Variants in CCDC141 observed in about 807,000 individuals in gnomAD.
The protein encoded by CCDC141 is coiled-coil domain-containing protein 141.
A neutral mutation model predicts 181.0 loss-of-function variants in CCDC141; 168 were observed. That is an observed-to-expected ratio of 0.93 (90% CI 0.82 to 1.05). The LOEUF is 1.05. Ranked by LOEUF, CCDC141 falls within the 50% of genes least tolerant of loss-of-function variation. The probability of loss-of-function intolerance (pLI) is 0.00; values close to 1 mark genes in which losing one functional copy is unlikely to be tolerated. For synonymous variants in CCDC141, 666 were observed against 642.3 expected (o/e 1.04, Z -0.56); for missense variants, 1,902 against 1,788.5 (o/e 1.06, Z -1.14).
rs76127313 is a variant in CCDC141 at position 178,835,119 on chromosome 2, T to C, written c.4326-679A>G. Among the ~76,000 whole-genome samples, 1,095 of 152,258 alleles carry C rather than the reference T, an allele frequency of 7.2e-3. 19 individuals are homozygous for C. Among genetic ancestry groups the C allele is most frequent in the South Asian group, 0.024 (117 of 4,824 alleles). ...ACCCTCATGTTGTCCAGCTTTATTC[T>C]TTTTGCCACTCTGGAACAGCAGCTG... On this transcript the variant is annotated intron_variant, in intron 23 of 23. Transcript: ENST00000443758.
At chr2:178,817,413 C>A in the CCDC141 span, 6 of 447,960 alleles carry the variant, frequency 1.3e-5, no homozygotes, top group Non-Finnish European at 2.7e-5. Flanking sequence ...GACAGAAGTA[C>A]TTCCTAGAAT....
chr2:178,895,057 A>G (rs1687341742), intron 8 of CCDC141, among the ~76,000 whole-genome samples: 1 of 152,176 alleles, frequency 6.6e-6, no homozygotes. Flanking sequence ...TATGCCTTAT[A>G]GAGAAATTGG....
At chr2:179,011,150 T>C (rs1373504420) in intron 2 of CCDC141, among the ~76,000 whole-genome samples, 1 of 151,684 alleles carries the variant, frequency 6.6e-6, no homozygotes, top group Non-Finnish European at 1.5e-5. Flanking sequence ...AGGGTGAGAC[T>C]CTGTCTCAAA....
downstream of CCDC141, among the ~76,000 whole-genome samples, chr2:178,825,674 T>C (rs889425257): frequency 3.1e-5 from 4 of 127,466 alleles, no homozygotes; most frequent in African/African-American, 1.2e-4. Flanking sequence ...AAGTGTGACA[T>C]GTCGCAACTA....
the CCDC141 span, among the ~76,000 whole-genome samples, chr2:178,824,141 T>A: frequency 3.3e-5 from 5 of 152,040 alleles, no homozygotes; most frequent in Non-Finnish European, 7.4e-5. Context: ...TTCACAATGA[T>A]CCTTATGGCA....
At chr2:178,923,675 G>T (rs943543339) in intron 6 of CCDC141, among the ~76,000 whole-genome samples, 1 of 152,202 alleles carries the variant, frequency 6.6e-6, no homozygotes, top group East Asian at 1.9e-4. Flanking sequence ...ACAGAGATGC[G>T]TGCGTATCTC....
rs368745282 is a variant in CCDC141, at chr2:178,986,297, G to C, written c.226-7622C>G. The stretch of plus-strand genomic sequence containing the variant: ...CATGCTAAAAACTCTCAATAAATTA[G>C]GTATTGATGGGACATATTTCAAAAT... On this transcript the variant is annotated intron_variant, in intron 2 of 23. Coordinates refer to ENST00000443758, the MANE Select transcript of CCDC141 (RefSeq NM_173648.4). 8.5e-5 allele frequency among the ~76,000 whole-genome samples: 13 copies of C among 152,200 alleles called. No homozygotes were observed. The East Asian group carries it at 1.7e-3, about 20-fold the overall frequency.
At chr2:178,872,397 T>C (rs1686159793) in intron 12 of CCDC141, 85 bp from the exon 13 acceptor site, 1 of 1,245,202 alleles carries the variant, frequency 8.0e-7, no homozygotes, top group African/African-American at 1.5e-5. Flanking sequence ...ACGAGGCAAA[T>C]TCTTTATCAC....
At position 178,837,404 on chromosome 2, in the gene CCDC141, A is replaced by G. The variant is rs1301103743; in HGVS notation, c.3815T>C (p.Phe1272Ser). ...QESVLPPPVA[F>S]ADACNDKRET... ...TCTCTTATCATTGCATGCATCCGCA[A>G]AGGCAACAGGTGGTGGAAGAACAGA... Residue 1272 changes from phenylalanine (F) to serine (S), a missense_variant, in exon 23 of 24, where the codon TTT becomes TCT. By Grantham distance (155) the Phe-to-Ser change is radical. Transcript: ENST00000443758. The G allele has an allele frequency of 6.2e-7, 1 of 1,614,124 alleles. No individual in the cohort carries two copies.
At chr2:179,024,317 A>G (rs2042769919) in intron 2 of CCDC141, among the ~76,000 whole-genome samples, 1 of 152,200 alleles carries the variant, frequency 6.6e-6, no homozygotes, top group South Asian at 2.1e-4. Context: ...CTTTACCCAC[A>G]TTCCTTTTTC....
chr2:178,841,230 G>T (rs1466256888), intron 22 of CCDC141, among the ~76,000 whole-genome samples: 1 of 152,182 alleles, frequency 6.6e-6, no homozygotes, highest in Non-Finnish European at 1.5e-5. Context: ...TGACGTTGAT[G>T]AACTACTTAA....
intron 2 of CCDC141, among the ~76,000 whole-genome samples, chr2:178,987,862 C>G (rs1219542933): frequency 2.0e-5 from 3 of 150,534 alleles, no homozygotes; most frequent in Admixed American, 6.6e-5. Context: ...CACTTTTACA[C>G]TGTTGGTGGG....
At chr2:178,865,723 C>G in intron 17 of CCDC141, 44 bp downstream of exon 17, 1 of 1,420,038 alleles carries the variant, frequency 7.0e-7, no homozygotes, top group Non-Finnish European at 9.3e-7. Flanking sequence ...TAGGTTCAAA[C>G]AGCTTTTTGG....
At chr2:178,906,643 T>C (rs1329750847) in intron 7 of CCDC141, among the ~76,000 whole-genome samples, 2 of 152,138 alleles carry the variant, frequency 1.3e-5, no homozygotes, top group Admixed American at 1.3e-4. Flanking sequence ...CCTCCCTGGG[T>C]TGCTGAGTTG....
At chr2:178,939,435 G>A (rs1689418281) in intron 6 of CCDC141, among the ~76,000 whole-genome samples, 1 of 152,140 alleles carries the variant, frequency 6.6e-6, no homozygotes, top group South Asian at 2.1e-4. Context: ...AGATATGCCA[G>A]GGGAGAACTT....
At chr2:178,905,036 A>C (rs1433528572) in intron 8 of CCDC141, among the ~76,000 whole-genome samples, 1 of 152,190 alleles carries the variant, frequency 6.6e-6, no homozygotes. Flanking sequence ...AAGCCTTGGG[A>C]ACTAAAGCTC....
chr2:178,981,655 T>TATATATATATATATATATATATATATAC (rs1363397709), intron 2 of CCDC141, among the ~76,000 whole-genome samples: 30 of 136,380 alleles, frequency 2.2e-4, no homozygotes, highest in African/African-American at 7.0e-4. Flanking sequence ...TATATATATA[T>TATATATATATATATATATATATATATAC]ATACATACAT....
At chr2:178,820,258 T>C in the CCDC141 span, among the ~76,000 whole-genome samples, 1 of 152,178 alleles carries the variant, frequency 6.6e-6, no homozygotes, top group Non-Finnish European at 1.5e-5. Context: ...TGAGCTACAT[T>C]CCTGCTTCTC....
chr2:179,015,580 T>TATATATGATCTC (rs1559050160), intron 2 of CCDC141, among the ~76,000 whole-genome samples: 9 of 82,412 alleles, frequency 1.1e-4, no homozygotes, highest in East Asian at 8.2e-4. Flanking sequence ...ATATATCTCA[T>TATATATGATCTC]ATATATCTCA....
Sources: gnomAD v4.1 joint callset for allele counts (sites outside exome capture counted in the v4.1 genomes callset) on GRCh38, gnomAD v4.1.1 for gene constraint, MANE v1.5 for transcripts, NCBI Gene and HGNC (gene_info 2026-07-23, HGNC 2026-07-21) for gene names.